PLXNA4: variants seen among roughly 807,000 people sequenced by gnomAD.
The protein encoded by PLXNA4 is plexin-A4.
PLXNA4 carries 44 observed loss-of-function variants against 191.8 expected under a neutral mutation model. The observed-to-expected ratio is 0.23, with a 90% CI of 0.18 to 0.29. The LOEUF (loss-of-function observed/expected upper bound fraction) is 0.29, where lower values mean the gene tolerates loss of function less well. Among genes scored for constraint, PLXNA4 ranks in the 10% least tolerant of loss-of-function variants. The pLI is 1.00. For missense variants in PLXNA4, 1,800 were observed against 2,488.8 expected, an observed-to-expected ratio of 0.72 and a Z score of 5.89; for synonymous variants, 1,082 against 1,009.5, an observed-to-expected ratio of 1.07 and a Z score of -1.36.
chr7:132,536,317 T>C lies in PLXNA4; in HGVS notation c.-86-27538A>G, dbSNP rs142840815. On this transcript the variant is annotated intron_variant, in intron 1 of 31. Coordinates refer to ENST00000321063, the MANE Select transcript of PLXNA4 (RefSeq NM_020911.2). ...TCGTTCCCTATAAGTGACTAATTTT[T>C]ATCCTTTTATCCTAGTCTTGATCCT... Among the ~76,000 whole-genome samples, 785 of 152,350 alleles carry C rather than the reference T, an allele frequency of 5.2e-3. 3 individuals carry two copies. Among genetic ancestry groups the C allele is most frequent in the Middle Eastern group, 0.044 (13 of 294 alleles).
chr7:132,580,048 A>G (rs1388623359), upstream of PLXNA4, among the ~76,000 whole-genome samples: 1 of 152,108 alleles, frequency 6.6e-6, no homozygotes, highest in Non-Finnish European at 1.5e-5. Flanking sequence ...CCTCTCAATG[A>G]TACCTCATCT....
chr7:132,287,529 C>G (rs141074198), intron 4 of PLXNA4, among the ~76,000 whole-genome samples: 1 of 152,110 alleles, frequency 6.6e-6, no homozygotes, highest in Non-Finnish European at 1.5e-5. Flanking sequence ...GTACTAAGGA[C>G]GGGTATGAAA....
chr7:132,535,246 T>G (rs2116463493), intron 1 of PLXNA4, among the ~76,000 whole-genome samples: 2 of 152,340 alleles, frequency 1.3e-5, no homozygotes, highest in Middle Eastern at 6.8e-3. Flanking sequence ...AACCTCCCAA[T>G]GAGCGCTGAT....
chr7:132,315,495 C>T (rs1423395330), intron 3 of PLXNA4, among the ~76,000 whole-genome samples: 1 of 152,178 alleles, frequency 6.6e-6, no homozygotes, highest in Non-Finnish European at 1.5e-5. Context: ...ATTATTTGTA[C>T]TCATGTTGTA....
intron 30 of PLXNA4, among the ~76,000 whole-genome samples, chr7:132,138,576 C>G (rs1432061539): frequency 6.6e-6 from 1 of 152,214 alleles, no homozygotes; most frequent in African/African-American, 2.4e-5. Context: ...CTCGATCTAT[C>G]TGTCTTTGTA....
rs377113117 is a variant in PLXNA4 at position 132,244,552 on chromosome 7, T to C, written c.1504-3386A>G. On this transcript the variant is annotated intron_variant, in intron 4 of 31. Coordinates refer to ENST00000321063, the MANE Select transcript of PLXNA4 (RefSeq NM_020911.2). ...TCTTTTTAAAGTGTGGACATTCAAA[T>C]TGGGGAGCCAACAGGATTCTGACAG... 1.4e-3 allele frequency among the ~76,000 whole-genome samples: 218 copies of C among 152,336 alleles called. 8 individuals carry two copies. The South Asian group carries it at 0.04, about 28-fold the overall frequency.
Position 132,130,218 on chromosome 7 carries a change from G to A in PLXNA4, c.*261C>T. On this transcript the variant is annotated 3_prime_UTR_variant, in exon 32 of 32. Coordinates refer to ENST00000321063, the MANE Select transcript of PLXNA4 (RefSeq NM_020911.2). The stretch of plus-strand genomic sequence containing the variant: ...AGGCCTCTCTGACATCTTCTGGTCA[G>A]CTCCCTTGCCATGGGCCTGGCCATT... 2.2e-6 allele frequency: 1 copy of A among 450,610 alleles called. No individual in the cohort carries two copies. The highest frequency in any genetic ancestry group is 3.4e-5 in the Admixed American group (1 of 29,438). 27.9% of individuals were successfully genotyped at this position (450,610 alleles called of 1,614,324 possible).
At chr7:132,193,774 A>G (rs958915383) in intron 14 of PLXNA4, among the ~76,000 whole-genome samples, 2 of 152,190 alleles carry the variant, frequency 1.3e-5, no homozygotes, top group African/African-American at 2.4e-5. Context: ...CCTACCTACC[A>G]TGCCACACTG....
intron 1 of PLXNA4, among the ~76,000 whole-genome samples, chr7:132,556,964 T>C (rs1045315502): frequency 2.0e-5 from 3 of 152,202 alleles, no homozygotes; most frequent in East Asian, 1.9e-4. Context: ...AAATTGAATG[T>C]GACAAACATA....
chr7:132,151,328 A>G (rs62469704), intron 25 of PLXNA4, among the ~76,000 whole-genome samples: 4,360 of 30,940 alleles, frequency 0.14, 503 homozygotes, highest in African/African-American at 0.29. Context: ...AGGAGGAGGA[A>G]GAAGAAGGAG....
intron 3 of PLXNA4, among the ~76,000 whole-genome samples, chr7:132,431,357 C>T (rs1477686024): frequency 6.6e-6 from 1 of 152,174 alleles, no homozygotes; most frequent in Non-Finnish European, 1.5e-5. Flanking sequence ...GTAAGGCACA[C>T]ACCACATCCT....
intron 14 of PLXNA4, among the ~76,000 whole-genome samples, chr7:132,188,995 A>AAAGGAAAGGAAAGGAAAG (rs1554384729): frequency 9.0e-4 from 24 of 26,798 alleles, no homozygotes; most frequent in South Asian, 2.5e-3. Flanking sequence ...AAAGGAAAGG[A>AAAGGAAAGGAAAGGAAAG]GAGAGAGAGA....
intron 3 of PLXNA4, among the ~76,000 whole-genome samples, chr7:132,330,627 G>A (rs1379868563): frequency 2.6e-5 from 4 of 152,246 alleles, no homozygotes; most frequent in Non-Finnish European, 4.4e-5. Context: ...GCATCTGGCT[G>A]TAGGAGGGGA....
At chr7:132,181,330 T>A in intron 18 of PLXNA4, 51 bp downstream of exon 18, 1 of 1,606,930 alleles carries the variant, frequency 6.2e-7, no homozygotes, top group Non-Finnish European at 8.5e-7. Context: ...CCCCCTTCCA[T>A]GCAGCAGCCC....
intron 3 of PLXNA4, among the ~76,000 whole-genome samples, chr7:132,322,071 G>A (rs1168122395): frequency 1.3e-5 from 2 of 152,062 alleles, no homozygotes; most frequent in Non-Finnish European, 1.5e-5. Context: ...GAAAAGGAAT[G>A]TGCCAGAGAA....
intron 14 of PLXNA4, among the ~76,000 whole-genome samples, chr7:132,189,576 A>T (rs887941610): frequency 6.6e-5 from 10 of 152,264 alleles, no homozygotes; most frequent in Non-Finnish European, 1.3e-4. Flanking sequence ...CTTGGTACTA[A>T]AAAGGGTCTC....
intron 3 of PLXNA4, among the ~76,000 whole-genome samples, chr7:132,382,460 C>T (rs1336206118): frequency 6.6e-6 from 1 of 152,124 alleles, no homozygotes; most frequent in Non-Finnish European, 1.5e-5. Flanking sequence ...CAAGCTCGCC[C>T]GGAGGGATTC....
chr7:132,384,296 C>T (rs769968599), intron 3 of PLXNA4: 172 of 985,460 alleles, frequency 1.7e-4, no homozygotes, highest in African/African-American at 2.4e-4. Context: ...TAGCACCAGT[C>T]GCTAATTTTA....
At chr7:132,146,956 A>T (rs1795454146) in intron 27 of PLXNA4, among the ~76,000 whole-genome samples, 1 of 152,112 alleles carries the variant, frequency 6.6e-6, no homozygotes, top group South Asian at 2.1e-4. Flanking sequence ...CATCGTGTCA[A>T]CCCTTAATTA....
Sources: allele counts gnomAD v4.1 joint callset (sites outside exome capture counted in the v4.1 genomes callset), GRCh38; gene constraint gnomAD v4.1.1; transcripts MANE v1.5; gene names NCBI Gene and HGNC (gene_info 2026-07-23, HGNC 2026-07-21).